The following CA8 variants were observed in gnomAD, a reference collection of about 807,000 sequenced individuals.
CA8 encodes the protein carbonic anhydrase-related protein.
A neutral mutation model predicts 41.4 loss-of-function variants in CA8; 22 were observed. The ratio of observed to expected loss-of-function variants is 0.53; its 90% CI spans 0.38 to 0.76. The LOEUF (loss-of-function observed/expected upper bound fraction) is 0.76. CA8 is among the 30% of genes least tolerant of loss of function. The pLI is 0.00. For missense variants in CA8, 270 were observed against 352.8 expected, an observed-to-expected ratio of 0.77 and a Z score of 1.88; for synonymous variants, 121 against 130.6, an observed-to-expected ratio of 0.93 and a Z score of 0.50.
Position 60,219,493 on chromosome 8 carries a change from CTGCACA to C in CA8, c.738+3150_738+3155del, listed in dbSNP as rs1807159943. 3.9e-5 allele frequency among the ~76,000 whole-genome samples: 6 copies of C among 152,256 alleles called. No individual in the cohort carries two copies. In the South Asian group the frequency reaches 1.2e-3, roughly 32 times the overall value. On this transcript the variant is annotated intron_variant, in intron 7 of 8. Transcript: ENST00000317995. The stretch of plus-strand genomic sequence containing the variant: ...TTTTTGATGCTAAGGATCCCTAAAT[CTGCACA>C]TTAGGCCTCAGCCTCTGAAGTTCTT...
intron 2 of CA8, among the ~76,000 whole-genome samples, chr8:60,267,564 C>T (rs1803940142): frequency 6.6e-6 from 1 of 152,140 alleles, no homozygotes; most frequent in Admixed American, 6.5e-5. Flanking sequence ...TCATCATCAA[C>T]TCCACAGACA....
chr8:60,253,109 C>A (rs1202300811), intron 3 of CA8, among the ~76,000 whole-genome samples: 2 of 152,054 alleles, frequency 1.3e-5, no homozygotes, highest in East Asian at 3.9e-4. Flanking sequence ...GTGGCACGCA[C>A]TTATAGTCCC....
intron 3 of CA8, among the ~76,000 whole-genome samples, chr8:60,253,600 G>A (rs35524626): frequency 0.31 from 47,653 of 151,858 alleles, 7,614 homozygotes; most frequent in African/African-American, 0.34. Context: ...AGTAGTTCTC[G>A]GTTGCCTCAT....
At chr8:60,222,427 C>G (rs1429029145) in intron 7 of CA8, among the ~76,000 whole-genome samples, 3 of 152,194 alleles carry the variant, frequency 2.0e-5, no homozygotes, top group Non-Finnish European at 4.4e-5. Context: ...TTTCTATTAA[C>G]TCTCTAAAGA....
At chr8:60,258,969 A>G (rs1433393050) in intron 3 of CA8, among the ~76,000 whole-genome samples, 1 of 152,166 alleles carries the variant, frequency 6.6e-6, no homozygotes, top group East Asian at 1.9e-4. Flanking sequence ...GCCCATTTAG[A>G]AAAAAAGTGA....
chr8:60,262,272 G>A (rs1337468647), intron 3 of CA8, among the ~76,000 whole-genome samples: 1 of 151,240 alleles, frequency 6.6e-6, no homozygotes, highest in East Asian at 1.9e-4. Context: ...TTAATGTGAA[G>A]GGAATAAACA....
chr8:60,197,564 G>A (rs1806316296), intron 8 of CA8, among the ~76,000 whole-genome samples: 1 of 152,164 alleles, frequency 6.6e-6, no homozygotes, highest in Admixed American at 6.5e-5. Flanking sequence ...ACGTTTTCAA[G>A]GTCACACAAC....
intron 8 of CA8, among the ~76,000 whole-genome samples, chr8:60,194,866 C>T (rs536154026): frequency 5.9e-5 from 9 of 152,260 alleles, no homozygotes; most frequent in South Asian, 2.1e-4. Flanking sequence ...AAAAAAATCT[C>T]TTTCCTGTTA....
At chr8:60,196,398 A>G (rs1806283295) in intron 8 of CA8, among the ~76,000 whole-genome samples, 1 of 152,160 alleles carries the variant, frequency 6.6e-6, no homozygotes, top group Non-Finnish European at 1.5e-5. Context: ...CTAGGGCTGA[A>G]AGAGAATCAA....
At chr8:60,194,083 T>C (rs1806209260) in intron 8 of CA8, among the ~76,000 whole-genome samples, 1 of 152,200 alleles carries the variant, frequency 6.6e-6, no homozygotes, top group Non-Finnish European at 1.5e-5. Flanking sequence ...AAGCTCTGTT[T>C]TCTAAATATT....
chr8:60,262,038 G>T (rs1248927717), intron 3 of CA8, among the ~76,000 whole-genome samples: 1 of 152,106 alleles, frequency 6.6e-6, no homozygotes. Context: ...CACTGATCCA[G>T]AAAAATCTAA....
intron 3 of CA8, among the ~76,000 whole-genome samples, chr8:60,255,962 G>A (rs1468464404): frequency 6.7e-6 from 1 of 149,590 alleles, no homozygotes; most frequent in African/African-American, 2.5e-5. Context: ...AGGCTGGAGT[G>A]CAATGATGCG....
chr8:60,223,835 A>C (rs762268037), intron 6 of CA8, among the ~76,000 whole-genome samples: 5 of 152,218 alleles, frequency 3.3e-5, no homozygotes, highest in Non-Finnish European at 5.9e-5. Context: ...TAAAACACTA[A>C]GGGACAGCAC....
chr8:60,221,761 G>A (rs1433679827), intron 7 of CA8, among the ~76,000 whole-genome samples: 4 of 152,138 alleles, frequency 2.6e-5, no homozygotes, highest in Non-Finnish European at 5.9e-5. Context: ...CAGAAATAAA[G>A]AGAAATTATT....
chr8:60,226,834 A>T lies in CA8; in HGVS notation c.576+39T>A, dbSNP rs200246440. On this transcript the variant is annotated intron_variant, in intron 5 of 8. Transcript: ENST00000317995. The stretch of plus-strand genomic sequence containing the variant: ...GCAGGTGGTCACAGGGAGCTCCTAC[A>T]CAACCAGTATTTCTATATTATTTTA... 8 of 1,254,916 alleles carry T rather than the reference A, an allele frequency of 6.4e-6. No individual in the cohort carries two copies. The African/African-American group carries it at 1.2e-4, about 19-fold the overall frequency. 77.7% of individuals were successfully genotyped at this position (1,254,916 alleles called of 1,614,324 possible). A position where few individuals can be genotyped will look rare whatever the true frequency, so the allele number is the denominator to read the frequency against.
rs914786903 is a variant in CA8 at position 60,263,519 on chromosome 8, T to C, written c.417+2406A>G. Among the ~76,000 whole-genome samples, 6 of 151,022 alleles carry C rather than the reference T, an allele frequency of 4.0e-5. No homozygotes were observed. The South Asian group carries it at 1.0e-3, about 26-fold the overall frequency. Reference sequence around the variant, plus strand: ...TAAAATGTAAGTAAAATATGGAACATGACCTCAAAAAAAACAAAAAACAAA... The same window carrying C: ...TAAAATGTAAGTAAAATATGGAACACGACCTCAAAAAAAACAAAAAACAAA... On this transcript the variant is annotated intron_variant, in intron 3 of 8. Coordinates refer to ENST00000317995, the MANE Select transcript of CA8 (RefSeq NM_004056.6).
At chr8:60,256,012 G>A (rs1196956458) in intron 3 of CA8, among the ~76,000 whole-genome samples, 2 of 150,836 alleles carry the variant, frequency 1.3e-5, no homozygotes, top group African/African-American at 2.5e-5. Flanking sequence ...GGGTTCAAGC[G>A]ATTCTCCTGT....
chr8:60,256,214 C>T (rs563118628), intron 3 of CA8, among the ~76,000 whole-genome samples: 9 of 152,180 alleles, frequency 5.9e-5, no homozygotes, highest in South Asian at 2.1e-4. Flanking sequence ...TCGGCCTAAA[C>T]GGTTAATTTT....
intron 7 of CA8, among the ~76,000 whole-genome samples, chr8:60,210,352 TAAAG>T (rs1806790152): frequency 6.6e-6 from 1 of 152,126 alleles, no homozygotes; most frequent in Non-Finnish European, 1.5e-5. Flanking sequence ...CTGCCATTCA[TAAAG>T]AGAAATGAAA....
Sources: allele counts gnomAD v4.1 joint callset (sites outside exome capture counted in the v4.1 genomes callset), GRCh38; gene constraint gnomAD v4.1.1; transcripts MANE v1.5; gene names NCBI Gene and HGNC (gene_info 2026-07-23, HGNC 2026-07-21).